The following CAPN12 variants were observed in gnomAD, a reference collection of about 807,000 sequenced individuals.
CAPN12 encodes calpain 12.
In CAPN12, 107 loss-of-function variants were observed where a neutral mutation model predicts 95.0. The observed-to-expected ratio is 1.13, with a 90% CI of 0.96 to 1.32. The LOEUF is 1.32. Ranked by LOEUF, CAPN12 falls within the 40% of genes most tolerant of loss-of-function variation. CAPN12 has a pLI of 0.00. For synonymous variants in CAPN12, 505 were observed against 415.5 expected, an observed-to-expected ratio of 1.22 and a Z score of -2.62; for missense variants, 1,136 against 997.8, an observed-to-expected ratio of 1.14 and a Z score of -1.87.
chr19:38,737,445 G>A, intron 9 of CAPN12, 30 bp downstream of exon 9: 1 of 1,612,100 alleles, frequency 6.2e-7, no homozygotes, highest in Non-Finnish European at 8.5e-7. Context: ...CCCCACCCCA[G>A]GAAGCCTCTC....
Position 38,738,325 on chromosome 19 carries a change from G to T in CAPN12, c.913C>A (p.Pro305Thr). Residue 305 changes from proline (P) to threonine (T), a missense_variant, in exon 8 of 21, where the codon CCC becomes ACC. By Grantham distance (38) the Pro-to-Thr change is conservative. Coordinates refer to ENST00000328867, the MANE Select transcript of CAPN12 (RefSeq NM_144691.4). ...AGCAGGGCATCGCGGCACTCGGTGG[G>T]GAGTGTGTCCCAGCGTGGGCAGCTG... ...SDSCPRWDTL[P>T]TECRDALLVK... 1 of 1,612,094 alleles carries T rather than the reference G, an allele frequency of 6.2e-7. No homozygotes were observed. The highest frequency in any genetic ancestry group is 8.5e-7 in the Non-Finnish European group (1 of 1,180,026).
Position 38,737,645 on chromosome 19 carries a change from G to T in CAPN12, c.966-7C>A. 1.3e-6 allele frequency: 2 copies of T among 1,579,940 alleles called. No individual in the cohort carries two copies. Among genetic ancestry groups the T allele is most frequent in the South Asian group, 1.2e-5 (1 of 86,646 alleles). On this transcript the variant is annotated splice_polypyrimidine_tract_variant and splice_region_variant and intron_variant, in intron 8 of 20. Transcript: ENST00000328867. ...GAAGTCCCGCAGCTCCATCCTGCAC[G>T]GTGGCCCAGTCAGACCCTGCCCGGC...
chr19:38,738,589 G>C lies in CAPN12; in HGVS notation c.789C>G (p.Ile263Met), dbSNP rs754313986. Residue 263 changes from isoleucine to methionine, a missense_variant, in exon 6 of 21, where the codon ATC becomes ATG. Coordinates refer to ENST00000328867, the MANE Select transcript of CAPN12 (RefSeq NM_144691.4). ...EGLVKGHAYS[I>M]TGTHKVFLGF... ...GGACACTTACCTTGTGTGTGCCCGT[G>C]ATGGAATACGCGTGTCCCTTTACCA... 1.2e-6 allele frequency: 2 copies of C among 1,614,060 alleles called. No homozygotes were observed. Among genetic ancestry groups the C allele is most frequent in the Non-Finnish European group, 1.7e-6 (2 of 1,180,020 alleles).
At chr19:38,734,527 A>G (rs1969875437) in intron 15 of CAPN12, 138 bp from the exon 16 acceptor site, 1 of 759,518 alleles carries the variant, frequency 1.3e-6, no homozygotes, top group Non-Finnish European at 2.1e-6. Flanking sequence ...GGAGCCAGTG[A>G]CTGCTGCGCC....
At position 38,736,171 on chromosome 19, in the gene CAPN12, G is replaced by T. The variant is rs1009483574; in HGVS notation, c.1522C>A (p.His508Asn). 4.6e-6 allele frequency: 7 copies of T among 1,513,878 alleles called. No individual in the cohort carries two copies. The highest frequency in any genetic ancestry group is 6.2e-6 in the Non-Finnish European group (7 of 1,134,822). The allele number at this position is 1,513,878 out of a possible 1,614,324, so 93.8% of individuals were successfully genotyped here. ...GHYLVVPSTA[H>N]AGDEADFTLR... ...GTGAAGTCAGCCTCGTCGCCGGCGTGGGCGGTGCTCGGCACCACCAGGTAG... is the reference window on the plus strand; with the variant it reads ...GTGAAGTCAGCCTCGTCGCCGGCGTTGGCGGTGCTCGGCACCACCAGGTAG... Residue 508 changes from histidine to asparagine, a missense_variant, in exon 12 of 21, where the codon CAC becomes AAC. By Grantham distance (68) the His-to-Asn change is moderately conservative. Transcript: ENST00000328867.
rs748626356 is a variant in CAPN12, at chr19:38,741,859, C to G, written c.478G>C (p.Val160Leu). 3.1e-6 allele frequency: 5 copies of G among 1,613,912 alleles called. No homozygotes were observed. The highest frequency in any genetic ancestry group is 2.2e-5 in the East Asian group (1 of 44,890). ...MDVVVDDRLP[V>L]REGKLMFVRS... ...ACGAACATCAGCTTCCCCTCACGCA[C>G]GGGCAGCCTGTCATCCACCACGACG... The change falls in exon 4 of 21, where the codon GTG becomes CTG. Residue 160 changes from valine (V) to leucine (L), a missense_variant. Coordinates refer to ENST00000328867, the MANE Select transcript of CAPN12 (RefSeq NM_144691.4).
intron 18 of CAPN12, chr19:38,731,497 T>C (rs1189086978): frequency 1.2e-5 from 6 of 511,254 alleles, no homozygotes; most frequent in African/African-American, 9.6e-5. Context: ...GTGTGGGTAC[T>C]GTTACTCCTT....
In CAPN12 at chr19:38,735,525, T is replaced by G; in HGVS notation, c.1603A>C (p.Ser535Arg). The change falls in exon 13 of 21, where the codon AGC becomes CGC. Residue 535 changes from serine (S) to arginine (R), a missense_variant. Coordinates refer to ENST00000328867, the MANE Select transcript of CAPN12 (RefSeq NM_144691.4). ...ACCTGGAGAGACTGCAGGTCTGCGC[T>G]GATCACGTCGTCGATCTCCCTGCAA... ...HTAVEIDDVI[S>R]ADLQSLQGPY... The G allele has an allele frequency of 1.2e-6, 2 of 1,610,670 alleles. No homozygotes were observed. The highest frequency in any genetic ancestry group is 1.7e-6 in the Non-Finnish European group (2 of 1,179,366).
chr19:38,742,204 T>C, intron 3 of CAPN12: 1 of 618,650 alleles, frequency 1.6e-6, no homozygotes, highest in East Asian at 2.8e-5. Flanking sequence ...CGGGTGCCTG[T>C]AATCCCAGCT....
chr19:38,733,726 A>G lies in CAPN12; in HGVS notation c.1934T>C (p.Leu645Pro). 1 of 1,613,626 alleles carries G rather than the reference A, an allele frequency of 6.2e-7. No individual in the cohort carries two copies. The highest frequency in any genetic ancestry group is 8.5e-7 in the Non-Finnish European group (1 of 1,179,952). The change falls in exon 18 of 21, where the codon CTG becomes CCG. Residue 645 changes from leucine (L) to proline (P), a missense_variant. Leu to Pro is a moderately conservative substitution (Grantham distance 98). Coordinates refer to ENST00000328867, the MANE Select transcript of CAPN12 (RefSeq NM_144691.4). ...DTSGTMNSYE[L>P]RLALNAAGFH... ...ACCTGCTGCATTCAGTGCCAGCCTC[A>G]GCTCGTAGGAGTTCATGGTTCCAGA... is the stretch of plus-strand genomic sequence containing the variant.
chr19:38,743,192 G>T, intron 1 of CAPN12, 90 bp from the exon 2 acceptor site: 1 of 1,474,464 alleles, frequency 6.8e-7, no homozygotes, highest in Non-Finnish European at 9.5e-7. Context: ...CCCATGAAAG[G>T]CCTGGAAGCC....
At chr19:38,741,649 C>G in intron 4 of CAPN12, 128 bp downstream of exon 4, 1 of 1,158,204 alleles carries the variant, frequency 8.6e-7, no homozygotes. Context: ...TGGCGGTTGT[C>G]ACTTGGTTTG....
Position 38,731,029 on chromosome 19 carries a change from CAG to C in CAPN12, c.2075-8_2075-7del, listed in dbSNP as rs766188629. On this transcript the variant is annotated splice_polypyrimidine_tract_variant and splice_region_variant and intron_variant, in intron 19 of 20. Coordinates refer to ENST00000328867, the MANE Select transcript of CAPN12 (RefSeq NM_144691.4). Reference sequence around the variant, plus strand: ...CAGGTGCTGGCTGCAGTGGCCTGTGCAGAGAGGGGCAGGGTGAGTGCCCACCA... The same window carrying C: ...CAGGTGCTGGCTGCAGTGGCCTGTGCAGAGGGGCAGGGTGAGTGCCCACCA... The C allele has an allele frequency of 4.8e-5, 75 of 1,555,186 alleles. 2 individuals are homozygous for C. In the South Asian group the frequency reaches 6.7e-4, roughly 14 times the overall value.
chr19:38,736,392 C>T (rs891156772), intron 11 of CAPN12, 74 bp from the exon 12 acceptor site: 52 of 1,491,238 alleles, frequency 3.5e-5, no homozygotes, highest in Admixed American at 1.1e-4. Context: ...CAGCGCGCCC[C>T]GTCCACCCTG....
At chr19:38,732,316 C>T (rs1969682917) in intron 18 of CAPN12, among the ~76,000 whole-genome samples, 2 of 152,218 alleles carry the variant, frequency 1.3e-5, no homozygotes, top group Admixed American at 1.3e-4. Flanking sequence ...CCATTTCTCC[C>T]CCTTTGACTT....
chr19:38,743,212 G>T, intron 1 of CAPN12, 110 bp from the exon 2 acceptor site: 1 of 1,262,108 alleles, frequency 7.9e-7, no homozygotes, highest in Admixed American at 1.9e-5. Flanking sequence ...CTGTGGGCAG[G>T]AGCATGGCTT....
chr19:38,738,682 G>A, intron 5 of CAPN12, 34 bp from the exon 6 acceptor site: 1 of 1,603,968 alleles, frequency 6.2e-7, no homozygotes, highest in Non-Finnish European at 8.5e-7. Flanking sequence ...GGCCAAGGTA[G>A]GGGACAGGAG....
chr19:38,733,519 C>G (rs755949662), intron 18 of CAPN12, 184 bp downstream of exon 18: 4 of 579,690 alleles, frequency 6.9e-6, no homozygotes, highest in Non-Finnish European at 1.2e-5. Context: ...CCTTGCCCTT[C>G]TCCTTCCTTA....
chr19:38,743,227 G>A (rs1970665103), intron 1 of CAPN12, 125 bp from the exon 2 acceptor site: 1 of 1,088,444 alleles, frequency 9.2e-7, no homozygotes, highest in African/African-American at 1.5e-5. Flanking sequence ...TGGCTTCCCT[G>A]GGTCTCCAGA....
Sources: allele counts gnomAD v4.1 joint callset (sites outside exome capture counted in the v4.1 genomes callset), GRCh38; gene constraint gnomAD v4.1.1; transcripts MANE v1.5; gene names NCBI Gene and HGNC (gene_info 2026-07-23, HGNC 2026-07-21).